The following ITPK1 variants were observed in gnomAD, a reference collection of about 807,000 sequenced individuals.
The protein encoded by ITPK1 is inositol 1,3,4-trisphosphate 5/6-kinase.
Under a neutral mutation model 45.3 loss-of-function variants are expected in ITPK1, and 21 were observed. That is an observed-to-expected ratio of 0.46 (90% confidence interval 0.33 to 0.67). The LOEUF (loss-of-function observed/expected upper bound fraction) is 0.67, where lower values mean the gene tolerates loss of function less well. ITPK1 is among the 30% of genes least tolerant of loss of function. The probability of loss-of-function intolerance (pLI) is 0.02; values close to 1 mark genes in which losing one functional copy is unlikely to be tolerated. For missense variants in ITPK1, 474 were observed against 573.5 expected, an observed-to-expected ratio of 0.83 and a Z score of 1.77; for synonymous variants, 258 against 253.6, an observed-to-expected ratio of 1.02 and a Z score of -0.16.
intron 1 of ITPK1, among the ~76,000 whole-genome samples, 186 bp from the exon 2 acceptor site, chr14:93,115,491 C>T (rs1422416736): frequency 1.9e-4 from 28 of 149,578 alleles, no homozygotes; most frequent in Non-Finnish European, 3.0e-4. Context: ...GAGGCTGGGG[C>T]ACGGCTGAGC....
intron 5 of ITPK1, among the ~76,000 whole-genome samples, chr14:92,993,004 C>G (rs1886866766): frequency 6.6e-6 from 1 of 152,226 alleles, no homozygotes; most frequent in African/African-American, 2.4e-5. Flanking sequence ...AGCTGTGAGC[C>G]AAATGGTACC....
intron 4 of ITPK1, among the ~76,000 whole-genome samples, chr14:92,999,564 G>C (rs1007536682): frequency 6.6e-6 from 1 of 152,222 alleles, no homozygotes; most frequent in African/African-American, 2.4e-5. Flanking sequence ...ACCCCACACA[G>C]AGCCTGGAAA....
intron 9 of ITPK1, 68 bp from the exon 10 acceptor site, chr14:92,946,561 C>T (rs547512908): frequency 2.1e-6 from 3 of 1,457,146 alleles, no homozygotes; most frequent in Non-Finnish European, 1.9e-6. Flanking sequence ...CACAGACAGA[C>T]CCCCCACACC....
intron 5 of ITPK1, among the ~76,000 whole-genome samples, chr14:92,987,708 C>A (rs529583570): frequency 2.0e-5 from 3 of 152,282 alleles, no homozygotes; most frequent in South Asian, 2.1e-4. Flanking sequence ...CCACACCCCC[C>A]ATCTGTAAAG....
intron 5 of ITPK1, among the ~76,000 whole-genome samples, chr14:92,982,751 A>G (rs1203637232): frequency 2.0e-5 from 3 of 152,198 alleles, no homozygotes; most frequent in Non-Finnish European, 2.9e-5. Flanking sequence ...AGCTACTATG[A>G]GCTTTCAAGG....
At chr14:93,042,336 C>G (rs1889593338) in intron 3 of ITPK1, among the ~76,000 whole-genome samples, 1 of 152,202 alleles carries the variant, frequency 6.6e-6, no homozygotes, top group African/African-American at 2.4e-5. Context: ...CAGTCCCTCT[C>G]TCCCCAGCCA....
chr14:92,967,059 A>G (rs759740887), intron 5 of ITPK1, among the ~76,000 whole-genome samples: 55 of 152,244 alleles, frequency 3.6e-4, no homozygotes, highest in Non-Finnish European at 4.3e-4. Flanking sequence ...AGGACACTAA[A>G]AGCAAAAGCA....
At chr14:93,088,246 T>G (rs1020741807) in intron 2 of ITPK1, among the ~76,000 whole-genome samples, 4 of 152,010 alleles carry the variant, frequency 2.6e-5, no homozygotes, top group Non-Finnish European at 4.4e-5. Context: ...GGGGCAGGAT[T>G]TGTGAGTGCC....
At chr14:93,013,304 C>CAAA (rs139342357) in intron 4 of ITPK1, among the ~76,000 whole-genome samples, 1 of 151,682 alleles carries the variant, frequency 6.6e-6, no homozygotes, top group African/African-American at 2.4e-5. Context: ...CAAACAAAAA[C>CAAA]AAAAAAAATC....
chr14:93,074,299 C>T (rs1891130821), intron 3 of ITPK1, among the ~76,000 whole-genome samples: 1 of 152,240 alleles, frequency 6.6e-6, no homozygotes, highest in South Asian at 2.1e-4. Flanking sequence ...AAAGATTTCG[C>T]AATGCTTCTT....
chr14:92,938,342 A>G lies in ITPK1; in HGVS notation c.*3219T>C, dbSNP rs1887208669. ...ATTCAGCAGTTGTGGCCAGTGGCCA[A>G]TGTGAGTGCCCAAGAGCCAAGAACT... On this transcript the variant is annotated 3_prime_UTR_variant, in exon 11 of 11. Coordinates refer to ENST00000267615, the MANE Select transcript of ITPK1 (RefSeq NM_014216.6). 1.0e-5 allele frequency: 7 copies of G among 699,738 alleles called. No homozygotes were observed. Among genetic ancestry groups the G allele is most frequent in the South Asian group, 9.7e-5 (6 of 61,602 alleles). The allele number at this position is 699,738 out of a possible 1,614,324, so 43.3% of individuals were successfully genotyped here.
chr14:92,978,438 T>C (rs1261129613), intron 5 of ITPK1, among the ~76,000 whole-genome samples: 1 of 152,058 alleles, frequency 6.6e-6, no homozygotes, highest in Non-Finnish European at 1.5e-5. Flanking sequence ...TGCAGAAATT[T>C]GCATAAGAAG....
At position 93,012,179 on chromosome 14, in the gene ITPK1, C is replaced by T. The variant is rs999317964; in HGVS notation, c.246+4497G>A. Among the ~76,000 whole-genome samples, 8 of 152,174 alleles carry T rather than the reference C, an allele frequency of 5.3e-5. No individual in the cohort carries two copies. Among genetic ancestry groups the T allele is most frequent in the South Asian group, 2.1e-4 (1 of 4,832 alleles). On this transcript the variant is annotated intron_variant, in intron 4 of 10. Transcript: ENST00000267615. The surrounding 1 kb of genome is among the most constrained non-coding windows in gnomAD (Gnocchi z 4.9). ...CACCCAAACACTTAGGCACTGCAGG[C>T]GGCAATGGGAACACCAGCTGCTGGG...
intron 3 of ITPK1, chr14:93,071,791 T>A (rs541621739): frequency 2.0e-5 from 3 of 152,334 alleles, no homozygotes; most frequent in East Asian, 3.9e-4. Context: ...GAAAGCCTTA[T>A]ACTGATTATC....
intron 3 of ITPK1, among the ~76,000 whole-genome samples, chr14:93,030,272 C>T (rs12101001): frequency 0.01 from 1,526 of 152,372 alleles, 26 homozygotes; most frequent in African/African-American, 0.035. Context: ...ACCCTTCTTG[C>T]TTCTGCCCTT....
At chr14:92,957,077 T>C (rs1165099054) in intron 8 of ITPK1, among the ~76,000 whole-genome samples, 1 of 152,220 alleles carries the variant, frequency 6.6e-6, no homozygotes, top group African/African-American at 2.4e-5. Context: ...GAAGAAGGGC[T>C]GAGAGGGCAA....
At chr14:93,099,391 TTG>T (rs1790714656) in intron 2 of ITPK1, among the ~76,000 whole-genome samples, 1 of 152,080 alleles carries the variant, frequency 6.6e-6, no homozygotes, top group Non-Finnish European at 1.5e-5. Context: ...TAACACGAGA[TTG>T]TTTAGCTCCA....
At chr14:93,048,579 T>G (rs910951028) in intron 3 of ITPK1, among the ~76,000 whole-genome samples, 1 of 152,196 alleles carries the variant, frequency 6.6e-6, no homozygotes, top group African/African-American at 2.4e-5. Context: ...CCAAAGCTCC[T>G]GATACTCCCA....
At chr14:92,942,306 T>C (rs1041002682) in intron 10 of ITPK1, among the ~76,000 whole-genome samples, 8 of 152,164 alleles carry the variant, frequency 5.3e-5, no homozygotes, top group African/African-American at 1.9e-4. Context: ...CTCCACACAC[T>C]TGGAGTAATA....
Sources: allele counts gnomAD v4.1 joint callset (sites outside exome capture counted in the v4.1 genomes callset), GRCh38; gene constraint gnomAD v4.1.1; non-coding constraint Gnocchi (gnomAD v3.1); transcripts MANE v1.5; gene names NCBI Gene and HGNC (gene_info 2026-07-23, HGNC 2026-07-21).